ZNF177: variants seen among roughly 807,000 people sequenced by gnomAD.
ZNF177 encodes zinc finger protein 177.
ZNF177 carries 17 observed loss-of-function variants against 19.4 expected under a neutral mutation model. That is an observed-to-expected ratio of 0.87 (90% CI 0.60 to 1.31). The LOEUF (loss-of-function observed/expected upper bound fraction) is 1.31, where lower values mean the gene tolerates loss of function less well. ZNF177 is among the 40% of genes most tolerant of loss of function. The probability of loss-of-function intolerance (pLI) is 0.00; values close to 1 mark genes in which losing one functional copy is unlikely to be tolerated. For missense variants in ZNF177, 633 were observed against 561.8 expected (o/e 1.13, Z -1.28); for synonymous variants, 220 against 188.7 (o/e 1.17, Z -1.36).
At chr19:9,365,241 G>C (rs538214776) in intron 2 of ZNF177, among the ~76,000 whole-genome samples, 10 of 152,152 alleles carry the variant, frequency 6.6e-5, no homozygotes, top group Admixed American at 6.5e-4. Context: ...GAAGGTTTTA[G>C]GTCTTTAAGA....
chr19:9,369,642 C>T (rs2122502940), intron 2 of ZNF177, among the ~76,000 whole-genome samples: 1 of 134,576 alleles, frequency 7.4e-6, no homozygotes, highest in South Asian at 2.5e-4. Flanking sequence ...TTACATTGTG[C>T]TTTTCATTTG....
At chr19:9,380,518 C>A in intron 5 of ZNF177, 150 bp from the exon 8 acceptor site, 1 of 1,484,890 alleles carries the variant, frequency 6.7e-7, no homozygotes, top group South Asian at 1.2e-5. Flanking sequence ...GCTAATAGGG[C>A]AAAAGTCATA....
downstream of ZNF177, chr19:9,382,523 TG>T: frequency 2.5e-6 from 1 of 397,678 alleles, no homozygotes; most frequent in East Asian, 3.6e-5. Context: ...AACTGCCATG[TG>T]GTTTAAACCA....
intron 4 of ZNF177, 64 bp downstream of exon 6, chr19:9,379,683 A>G: frequency 1.9e-6 from 3 of 1,542,980 alleles, no homozygotes; most frequent in Non-Finnish European, 2.6e-6. Flanking sequence ...TGGGAATGTC[A>G]CTCAGTGAAG....
At chr19:9,365,412 C>T (rs1568379689) in intron 2 of ZNF177, among the ~76,000 whole-genome samples, 1 of 151,250 alleles carries the variant, frequency 6.6e-6, no homozygotes, top group Non-Finnish European at 1.5e-5. Flanking sequence ...GAGAAGGGAC[C>T]GGGGGGTTCT....
chr19:9,369,403 T>C (rs1260437152), intron 2 of ZNF177, among the ~76,000 whole-genome samples: 1 of 152,144 alleles, frequency 6.6e-6, no homozygotes, highest in East Asian at 1.9e-4. Context: ...ATCTATGAAA[T>C]TAATTTAGCA....
intron 2 of ZNF177, among the ~76,000 whole-genome samples, chr19:9,370,282 T>C (rs1332471853): frequency 5.3e-5 from 8 of 152,156 alleles, no homozygotes; most frequent in Non-Finnish European, 1.5e-5. Flanking sequence ...TAAAATAGCA[T>C]TGTATTTGCA....
At chr19:9,370,193 G>A (rs749040864) in intron 2 of ZNF177, among the ~76,000 whole-genome samples, 1 of 152,034 alleles carries the variant, frequency 6.6e-6, no homozygotes, top group Non-Finnish European at 1.5e-5. Flanking sequence ...GAATAGTACA[G>A]TTGTCTCTCA....
chr19:9,377,203 C>G (rs2068121576), intron 1 of ZNF177, among the ~76,000 whole-genome samples: 2 of 152,114 alleles, frequency 1.3e-5, no homozygotes, highest in Non-Finnish European at 2.9e-5. Flanking sequence ...ACTCACATGT[C>G]TGTCATTTAA....
At chr19:9,372,508 C>T (rs914747750), upstream of ZNF177, among the ~76,000 whole-genome samples, 1 of 149,756 alleles carries the variant, frequency 6.7e-6, no homozygotes, top group Non-Finnish European at 1.5e-5. Flanking sequence ...TGTTCTCTCC[C>T]TTGCTTCCTT....
upstream of ZNF177, among the ~76,000 whole-genome samples, chr19:9,374,654 AGTT>A (rs965075109): frequency 1.3e-5 from 2 of 151,896 alleles, no homozygotes; most frequent in Admixed American, 1.3e-4. Context: ...TTATTTTCAT[AGTT>A]TTTTTTAGAT....
intron 2 of ZNF177, among the ~76,000 whole-genome samples, chr19:9,365,873 A>G (rs1343661329): frequency 6.6e-6 from 1 of 152,162 alleles, no homozygotes; most frequent in Non-Finnish European, 1.5e-5. Flanking sequence ...TACCTGATTT[A>G]AAATTGGATT....
chr19:9,379,146 T>C lies in ZNF177; in HGVS notation c.160+58T>C. 7.2e-6 allele frequency: 11 copies of C among 1,533,548 alleles called. No individual in the cohort carries two copies. The South Asian group carries it at 8.9e-5, about 12-fold the overall frequency. The allele number at this position is 1,533,548 out of a possible 1,614,324, so 95.0% of individuals were successfully genotyped here. A position where few individuals can be genotyped will look rare whatever the true frequency, so the allele number is the denominator to read the frequency against. ...GTAGCAAATAGTTCTTAAGCACATA[T>C]TATGTTCCAGAATCTGTGGAAAGAA... is the stretch of plus-strand genomic sequence containing the variant. On this transcript the variant is annotated intron_variant, in intron 3 of 5. Coordinates refer to ENST00000589262, the Ensembl canonical transcript of ZNF177.
exon 6 of ZNF177, chr19:9,381,335 CTGGAGAGAAACCCTA>C (rs763467233): frequency 6.2e-7 from 1 of 1,614,050 alleles, no homozygotes. Flanking sequence ...AGAACTCACA[CTGGAGAGAAACCCTA>C]TGACTGTAAG....
In ZNF177 at chr19:9,380,887, A is replaced by T. The variant is rs778699740; in HGVS notation, c.556A>T (p.Asn186Tyr). The T allele has an allele frequency of 5.7e-5, 88 of 1,536,028 alleles. No homozygotes were observed. The highest frequency in any genetic ancestry group is 3.6e-4 in the South Asian group (30 of 84,074). The change falls in exon 6 of 6, where the codon AAT (asparagine) becomes TAT (tyrosine). Residue 186 changes from asparagine (N) to tyrosine (Y), a missense_variant. By Grantham distance (143) the Asn-to-Tyr change is moderately radical (BLOSUM62 -2). Transcript: ENST00000589262. ...ATTTACTGATTGTAGAAAAGCTTTC[A>T]ATCAAGAGTCATCCCTCAGGAAACA...
chr19:9,381,744 G>A (rs201270492), exon 6 of ZNF177: 1 of 1,607,026 alleles, frequency 6.2e-7, no homozygotes, highest in Admixed American at 1.7e-5. Context: ...TAATGCACAA[G>A]CGAATCCACA....
chr19:9,376,610 C>G (rs2068112512), intron 1 of ZNF177, among the ~76,000 whole-genome samples, 187 bp downstream of exon 3: 2 of 152,108 alleles, frequency 1.3e-5, no homozygotes, highest in South Asian at 4.1e-4. Context: ...TTAAAACATC[C>G]TGTAGTTTTA....
chr19:9,381,836 A>G (rs2068208320), exon 6 of ZNF177: 1 of 1,527,980 alleles, frequency 6.5e-7, no homozygotes, highest in Non-Finnish European at 8.8e-7. Context: ...TAGAACATAT[A>G]TTGGAGAGAA....
At chr19:9,365,129 C>T (rs1037374232) in intron 2 of ZNF177, among the ~76,000 whole-genome samples, 181 bp downstream of exon 2, 1 of 152,086 alleles carries the variant, frequency 6.6e-6, no homozygotes, top group Admixed American at 6.6e-5. Context: ...AGGGGAATTC[C>T]AGTGGGTCTT....
Sources: allele counts gnomAD v4.1 joint callset (sites outside exome capture counted in the v4.1 genomes callset), GRCh38; gene constraint gnomAD v4.1.1; transcripts MANE v1.5; gene names NCBI Gene and HGNC (gene_info 2026-07-23, HGNC 2026-07-21).